Variants in BCHE observed in about 807,000 individuals in gnomAD.
BCHE encodes butyrylcholinesterase, also known as cholinesterase.
Under a neutral mutation model 51.3 loss-of-function variants are expected in BCHE, and 48 were observed. The observed-to-expected ratio is 0.94, with a 90% confidence interval of 0.74 to 1.19. The LOEUF (loss-of-function observed/expected upper bound fraction) is 1.19, where lower values mean the gene tolerates loss of function less well. BCHE is among the 50% of genes most tolerant of loss of function. BCHE has a pLI of 0.00. For synonymous variants in BCHE, 251 were observed against 238.0 expected, an observed-to-expected ratio of 1.05 and a Z score of -0.50; for missense variants, 847 against 708.2, an observed-to-expected ratio of 1.20 and a Z score of -2.23.
intron 3 of BCHE, among the ~76,000 whole-genome samples, chr3:165,774,443 C>G (rs544973002): frequency 6.6e-6 from 1 of 152,054 alleles, no homozygotes; most frequent in Non-Finnish European, 1.5e-5. Flanking sequence ...AAGAGATTCT[C>G]CCTCCTCAGA....
At chr3:165,778,596 G>GC in intron 3 of BCHE, 1 of 408,400 alleles carries the variant, frequency 2.4e-6, no homozygotes, top group Admixed American at 2.5e-5. Context: ...GAGATTCAGT[G>GC]CAGGTATCTT....
intron 2 of BCHE, among the ~76,000 whole-genome samples, chr3:165,822,557 T>C (rs1714570887): frequency 6.6e-6 from 1 of 152,058 alleles, no homozygotes; most frequent in Admixed American, 6.6e-5. Context: ...ACAAAGGATC[T>C]GTAAAAAGAT....
chr3:165,825,478 T>C (rs775978702), intron 2 of BCHE, among the ~76,000 whole-genome samples: 1 of 151,902 alleles, frequency 6.6e-6, no homozygotes, highest in Non-Finnish European at 1.5e-5. Context: ...CTGAGATTCA[T>C]TGAAATTCAA....
At chr3:165,788,522 T>A (rs1311162184) in intron 2 of BCHE, among the ~76,000 whole-genome samples, 1 of 152,114 alleles carries the variant, frequency 6.6e-6, no homozygotes, top group East Asian at 1.9e-4. Context: ...TCTTTTTTCT[T>A]TCTTTTAAAG....
chr3:165,778,250 A>T (rs1302440452), intron 3 of BCHE: 1 of 152,720 alleles, frequency 6.5e-6, no homozygotes, highest in Non-Finnish European at 1.5e-5. Flanking sequence ...TAAAATAAAT[A>T]TAAGAGAAGT....
In BCHE at chr3:165,802,542, A is replaced by C. The variant is rs377487917; in HGVS notation, c.1518-16231T>G. On this transcript the variant is annotated intron_variant, in intron 2 of 3. Transcript: ENST00000264381. ...GCTTGTAGTTCTGAAAATGAGACCT[A>C]AGTTACTTGCAGATCCATTTTAAAG... Among the ~76,000 whole-genome samples the C allele has an allele frequency of 6.6e-5, 10 of 152,180 alleles. No homozygotes were observed. The East Asian group carries it at 9.7e-4, about 15-fold the overall frequency.
chr3:165,792,657 TTAAC>T (rs1222172446), intron 2 of BCHE, among the ~76,000 whole-genome samples: 2 of 152,190 alleles, frequency 1.3e-5, no homozygotes, highest in Non-Finnish European at 2.9e-5. Context: ...TTTTCACCAA[TTAAC>T]TAAGAATCTC....
chr3:165,799,655 T>C (rs2108213025), intron 2 of BCHE, among the ~76,000 whole-genome samples: 1 of 152,220 alleles, frequency 6.6e-6, no homozygotes, highest in African/African-American at 2.4e-5. Flanking sequence ...TAAACATATA[T>C]ACAGACTCGA....
At chr3:165,808,965 A>T (rs1713975943) in intron 2 of BCHE, among the ~76,000 whole-genome samples, 1 of 152,184 alleles carries the variant, frequency 6.6e-6, no homozygotes, top group Admixed American at 6.5e-5. Flanking sequence ...CATAAGAAAA[A>T]AGGAAACTAT....
At chr3:165,815,708 T>C (rs572833274) in intron 2 of BCHE, among the ~76,000 whole-genome samples, 52 of 152,224 alleles carry the variant, frequency 3.4e-4, no homozygotes, top group African/African-American at 1.3e-3. Context: ...ACATATTACA[T>C]AAGAAGTATA....
chr3:165,837,015 C>T (rs1197029756), intron 1 of BCHE, among the ~76,000 whole-genome samples: 1 of 152,122 alleles, frequency 6.6e-6, no homozygotes, highest in Admixed American at 6.5e-5. Context: ...AGGAAACTCA[C>T]TAAGAATATA....
intron 2 of BCHE, among the ~76,000 whole-genome samples, chr3:165,812,809 G>T (rs113954747): frequency 6.6e-6 from 1 of 151,822 alleles, no homozygotes; most frequent in Non-Finnish European, 1.5e-5. Context: ...GTGAGTATTG[G>T]AGAGGTGCTT....
intron 1 of BCHE, among the ~76,000 whole-genome samples, chr3:165,834,271 G>A (rs1371351406): frequency 6.6e-6 from 1 of 151,878 alleles, no homozygotes; most frequent in African/African-American, 2.4e-5. Context: ...TTTATGCTGA[G>A]TAGGTCTTGT....
At chr3:165,795,305 C>A (rs1713334916) in intron 2 of BCHE, among the ~76,000 whole-genome samples, 1 of 152,160 alleles carries the variant, frequency 6.6e-6, no homozygotes, top group Non-Finnish European at 1.5e-5. Flanking sequence ...AGCCTGTTCA[C>A]AAACTAAAAT....
intron 2 of BCHE, among the ~76,000 whole-genome samples, chr3:165,799,664 G>A (rs910437871): frequency 6.6e-6 from 1 of 152,036 alleles, no homozygotes; most frequent in Admixed American, 6.5e-5. Context: ...ATACAGACTC[G>A]AGCCTAAATC....
intron 2 of BCHE, 47 bp downstream of exon 2, chr3:165,829,470 A>G (rs1432135769): frequency 1.3e-6 from 2 of 1,525,198 alleles, no homozygotes; most frequent in African/African-American, 1.4e-5. Flanking sequence ...AGCTAAGCAA[A>G]ACGGATCAAA....
At chr3:165,778,816 A>T (rs1448418741) in intron 3 of BCHE, 1 of 339,778 alleles carries the variant, frequency 2.9e-6, no homozygotes. Context: ...ATCTTGTTAT[A>T]CATCTGATAA....
At chr3:165,832,851 A>G (rs1207754560) in intron 1 of BCHE, among the ~76,000 whole-genome samples, 1 of 152,120 alleles carries the variant, frequency 6.6e-6, no homozygotes, top group Admixed American at 6.6e-5. Context: ...TCTAATGCCT[A>G]TGTCCCAGAC....
chr3:165,823,058 G>A (rs1015118749), intron 2 of BCHE, among the ~76,000 whole-genome samples: 2 of 152,040 alleles, frequency 1.3e-5, no homozygotes, highest in African/African-American at 4.8e-5. Context: ...ATTTCTACAG[G>A]TAGCATTAGA....
Sources: gnomAD v4.1 joint callset for allele counts (sites outside exome capture counted in the v4.1 genomes callset) on GRCh38, gnomAD v4.1.1 for gene constraint, MANE v1.5 for transcripts, NCBI Gene and HGNC (gene_info 2026-07-23, HGNC 2026-07-21) for gene names.